Variants in ANKAR observed in about 807,000 individuals in gnomAD.
ANKAR encodes ankyrin and armadillo repeat-containing protein.
Under a neutral mutation model 146.2 loss-of-function variants are expected in ANKAR, and 136 were observed. The observed-to-expected ratio is 0.93, with a 90% confidence interval of 0.81 to 1.07. ANKAR has a LOEUF of 1.07. ANKAR is among the 50% of genes least tolerant of loss of function. ANKAR has a pLI of 0.00. For synonymous variants in ANKAR, 500 were observed against 575.8 expected, an observed-to-expected ratio of 0.87 and a Z score of 1.88; for missense variants, 1,567 against 1,679.9, an observed-to-expected ratio of 0.93 and a Z score of 1.18.
intron 18 of ANKAR, among the ~76,000 whole-genome samples, chr2:189,752,105 C>T (rs566884163): frequency 6.6e-6 from 1 of 151,696 alleles, no homozygotes; most frequent in African/African-American, 2.4e-5. Context: ...GAATGCGCCA[C>T]TGCACTCTAG....
At chr2:189,694,526 G>T (rs986899697) in intron 5 of ANKAR, among the ~76,000 whole-genome samples, 2 of 152,182 alleles carry the variant, frequency 1.3e-5, no homozygotes, top group Non-Finnish European at 2.9e-5. Context: ...CCAGGGACCT[G>T]GTAGGAGGGG....
chr2:189,718,781 C>A (rs1460940078), intron 10 of ANKAR, among the ~76,000 whole-genome samples: 3 of 139,280 alleles, frequency 2.2e-5, no homozygotes, highest in Admixed American at 1.5e-4. Context: ...CTCGCTCTGT[C>A]GCCCAGGCCG....
intron 3 of ANKAR, among the ~76,000 whole-genome samples, chr2:189,690,266 C>T (rs1448036454): frequency 6.6e-6 from 1 of 152,114 alleles, no homozygotes; most frequent in Non-Finnish European, 1.5e-5. Context: ...TGTATCATAT[C>T]TCATTCAAAT....
intron 2 of ANKAR, among the ~76,000 whole-genome samples, chr2:189,684,159 GA>G (rs1222087016): frequency 1.1e-4 from 16 of 152,108 alleles, no homozygotes; most frequent in Non-Finnish European, 1.0e-4. Context: ...GAAATATTGA[GA>G]AAAAATGGGA....
At chr2:189,693,051 T>C (rs1574419384) in intron 4 of ANKAR, 23 bp from the exon 5 acceptor site, 1 of 1,200,444 alleles carries the variant, frequency 8.3e-7, no homozygotes. Flanking sequence ...GATATGTCTT[T>C]AGTAACATAA....
At chr2:189,730,721 C>T (rs569636148) in intron 16 of ANKAR, 120 bp downstream of exon 16, 1 of 460,090 alleles carries the variant, frequency 2.2e-6, no homozygotes, top group East Asian at 3.8e-5. Context: ...AAACTAAATC[C>T]TATTTTTCTT....
intron 20 of ANKAR, 56 bp downstream of exon 20, chr2:189,741,507 C>G: frequency 1.5e-6 from 2 of 1,337,684 alleles, no homozygotes; most frequent in South Asian, 1.3e-5. Context: ...TATAATTTAC[C>G]TCTCCCTCTG....
intron 7 of ANKAR, among the ~76,000 whole-genome samples, chr2:189,697,661 A>T (rs1328178652): frequency 6.6e-6 from 1 of 152,182 alleles, no homozygotes; most frequent in Non-Finnish European, 1.5e-5. Flanking sequence ...CTATTTAAAG[A>T]TGTATTACTT....
intron 17 of ANKAR, among the ~76,000 whole-genome samples, chr2:189,736,791 G>A (rs1356530796): frequency 1.3e-5 from 2 of 151,760 alleles, no homozygotes. Context: ...GAAAATTCAG[G>A]GCCAGGTGTG....
intron 7 of ANKAR, among the ~76,000 whole-genome samples, chr2:189,701,771 C>A (rs1015478497): frequency 3.3e-5 from 5 of 152,190 alleles, no homozygotes; most frequent in African/African-American, 1.2e-4. Flanking sequence ...TTTAAATTCC[C>A]TGTCTGATCA....
chr2:189,727,763 G>A (rs2042034545), intron 12 of ANKAR, 93 bp from the exon 13 acceptor site: 1 of 1,399,152 alleles, frequency 7.1e-7, no homozygotes, highest in Non-Finnish European at 9.6e-7. Flanking sequence ...TTATAAATTT[G>A]ATTTTATAAT....
chr2:189,697,073 C>T (rs2037324435), intron 7 of ANKAR, among the ~76,000 whole-genome samples: 1 of 151,934 alleles, frequency 6.6e-6, no homozygotes, highest in South Asian at 2.1e-4. Context: ...TGGTGGCCCT[C>T]CATAACTGGA....
intron 18 of ANKAR, chr2:189,753,012 A>C (rs766868448): frequency 5.1e-6 from 8 of 1,566,684 alleles, no homozygotes; most frequent in Admixed American, 1.9e-5. Context: ...AATAACTATC[A>C]TATATGGATA....
chr2:189,744,716 T>A, intron 21 of ANKAR, 26 bp from the exon 22 acceptor site: 1 of 1,550,700 alleles, frequency 6.4e-7, no homozygotes, highest in Non-Finnish European at 8.9e-7. Flanking sequence ...TCATTTATTT[T>A]AATGACAAAA....
intron 10 of ANKAR, among the ~76,000 whole-genome samples, chr2:189,713,657 A>G (rs1407969287): frequency 6.6e-6 from 1 of 152,230 alleles, no homozygotes; most frequent in Non-Finnish European, 1.5e-5. Context: ...CACTGCAAAA[A>G]CATGCTGAAT....
At chr2:189,708,016 C>G (rs917261623) in intron 9 of ANKAR, among the ~76,000 whole-genome samples, 1 of 152,130 alleles carries the variant, frequency 6.6e-6, no homozygotes, top group Admixed American at 6.5e-5. Flanking sequence ...GGCTAGAATT[C>G]TCCTTCAGAA....
chr2:189,740,825 C>G (rs929279103), intron 19 of ANKAR, among the ~76,000 whole-genome samples: 2 of 152,074 alleles, frequency 1.3e-5, no homozygotes, highest in Non-Finnish European at 2.9e-5. Flanking sequence ...TCCCGAGTAG[C>G]TGGGATTACA....
intron 17 of ANKAR, among the ~76,000 whole-genome samples, 159 bp from the exon 18 acceptor site, chr2:189,737,524 C>G (rs970216968): frequency 6.6e-6 from 1 of 152,158 alleles, no homozygotes; most frequent in Non-Finnish European, 1.5e-5. Context: ...AAAGTTACAA[C>G]ATTCTAGAGT....
intron 10 of ANKAR, among the ~76,000 whole-genome samples, chr2:189,712,918 G>A (rs2439186): frequency 0.98 from 149,414 of 152,264 alleles, 73,368 homozygotes; most frequent in South Asian, 1. Context: ...ACAGTGTAGA[G>A]AAGACCTTAA....
Sources: gnomAD v4.1 joint callset for allele counts (sites outside exome capture counted in the v4.1 genomes callset) on GRCh38, gnomAD v4.1.1 for gene constraint, MANE v1.5 for transcripts, NCBI Gene and HGNC (gene_info 2026-07-23, HGNC 2026-07-21) for gene names.